MYO16: variants seen among roughly 807,000 people sequenced by gnomAD.
The protein encoded by MYO16 is myosin XVI.
MYO16 carries 94 observed loss-of-function variants against 205.3 expected under a neutral mutation model. That is an observed-to-expected ratio of 0.46 (90% confidence interval 0.39 to 0.54). MYO16 has a LOEUF of 0.54. Ranked by LOEUF, MYO16 falls within the 20% of genes least tolerant of loss-of-function variation. The probability of loss-of-function intolerance (pLI) is 0.00; values close to 1 mark genes in which losing one functional copy is unlikely to be tolerated. For synonymous variants in MYO16, 988 were observed against 954.0 expected (o/e 1.04, Z -0.66); for missense variants, 2,315 against 2,387.5 (o/e 0.97, Z 0.63).
intron 2 of MYO16, among the ~76,000 whole-genome samples, chr13:108,686,159 A>T (rs1326155425): frequency 6.6e-6 from 1 of 152,096 alleles, no homozygotes; most frequent in African/African-American, 2.4e-5. Context: ...TGGCTATGGG[A>T]GGATCCCACA....
chr13:109,020,126 A>G (rs758826449), intron 23 of MYO16, among the ~76,000 whole-genome samples: 1 of 152,196 alleles, frequency 6.6e-6, no homozygotes, highest in Non-Finnish European at 1.5e-5. Flanking sequence ...GGGCCTTCTC[A>G]TAATGTTTCT....
At chr13:108,642,607 A>G (rs953035143) in intron 1 of MYO16, among the ~76,000 whole-genome samples, 6 of 151,958 alleles carry the variant, frequency 3.9e-5, no homozygotes, top group African/African-American at 1.2e-4. Context: ...TAGTAGAGAC[A>G]GGGTTTCACC....
chr13:108,542,953 T>A, the MYO16 span, among the ~76,000 whole-genome samples: 1 of 151,894 alleles, frequency 6.6e-6, no homozygotes, highest in Non-Finnish European at 1.5e-5. Flanking sequence ...ACAGTTATGG[T>A]TTTTTAAATG....
chr13:108,773,959 G>A (rs1004753259), intron 4 of MYO16, among the ~76,000 whole-genome samples: 3 of 152,100 alleles, frequency 2.0e-5, no homozygotes, highest in African/African-American at 4.8e-5. Context: ...GGGCATGGTG[G>A]TGAGTGCCTG....
chr13:108,542,987 C>T, the MYO16 span, among the ~76,000 whole-genome samples: 407 of 151,966 alleles, frequency 2.7e-3, 3 homozygotes, highest in African/African-American at 9.1e-3. Context: ...CAACCTGAAG[C>T]TGAATACAAA....
intron 1 of MYO16, among the ~76,000 whole-genome samples, chr13:108,656,723 T>C (rs1881261549): frequency 6.6e-6 from 1 of 152,220 alleles, no homozygotes; most frequent in Non-Finnish European, 1.5e-5. Flanking sequence ...ATTTTCCTTT[T>C]GGAAAAAAAG....
At position 109,158,667 on chromosome 13, in the gene MYO16, G is replaced by A. The variant is rs527256378; in HGVS notation, c.5165-6234G>A. 5.3e-5 allele frequency among the ~76,000 whole-genome samples: 8 copies of A among 152,250 alleles called. No homozygotes were observed. The East Asian group carries it at 1.5e-3, about 29-fold the overall frequency. ...TTATGGCTAGAGGCTCTATGCCTGA[G>A]ACCCATTTTGGTTTTTGTCCAGAGA... On this transcript the variant is annotated intron_variant, in intron 32 of 34. Transcript: ENST00000457511.
At chr13:108,500,262 G>T in the MYO16 span, among the ~76,000 whole-genome samples, 2 of 120,182 alleles carry the variant, frequency 1.7e-5, no homozygotes. Flanking sequence ...TTGAGACGGA[G>T]TCTGTCACCC....
At chr13:108,528,558 TC>T in the MYO16 span, among the ~76,000 whole-genome samples, 2 of 137,692 alleles carry the variant, frequency 1.5e-5, no homozygotes, top group East Asian at 2.2e-4. Context: ...TCTCCTCTCC[TC>T]TCCTCTCCTC....
At chr13:108,790,511 C>T (rs1171763558) in intron 5 of MYO16, among the ~76,000 whole-genome samples, 2 of 152,046 alleles carry the variant, frequency 1.3e-5, no homozygotes, top group African/African-American at 4.8e-5. Flanking sequence ...ATACGAAAAT[C>T]TATATTTTGT....
At chr13:108,675,655 G>A (rs896842820) in intron 2 of MYO16, among the ~76,000 whole-genome samples, 7 of 152,176 alleles carry the variant, frequency 4.6e-5, no homozygotes, top group South Asian at 2.1e-4. Flanking sequence ...AGGATGACAC[G>A]AATCTGAAAC....
chr13:108,896,008 G>A (rs933707502), intron 14 of MYO16, among the ~76,000 whole-genome samples: 5 of 152,090 alleles, frequency 3.3e-5, no homozygotes, highest in East Asian at 3.9e-4. Flanking sequence ...CCTCCTCAGC[G>A]TTACATAATT....
rs1196294877 is a variant in MYO16, at chr13:109,022,838, T to C, written c.2796+2927T>C. Among the ~76,000 whole-genome samples, 4 of 136,946 alleles carry C rather than the reference T, an allele frequency of 2.9e-5. No individual in the cohort carries two copies. In the East Asian group the frequency reaches 6.3e-4, roughly 21 times the overall value. The allele number at this position is 136,946 out of a possible 152,430, so 89.8% of individuals were successfully genotyped here. A position where few individuals can be genotyped will look rare whatever the true frequency, so the allele number is the denominator to read the frequency against. On this transcript the variant is annotated intron_variant, in intron 23 of 34. Coordinates refer to ENST00000457511, the MANE Select transcript of MYO16 (RefSeq NM_001198950.3). ...TATTATACTCAATATATAAACATAG[T>C]ATATATTTATATATTATACTCAATA... is the stretch of plus-strand genomic sequence containing the variant.
chr13:109,122,533 C>G (rs1440804829), intron 29 of MYO16, among the ~76,000 whole-genome samples: 2 of 151,956 alleles, frequency 1.3e-5, no homozygotes, highest in Non-Finnish European at 2.9e-5. Context: ...ACAAAATTAG[C>G]CGGGCATGGT....
intron 12 of MYO16, among the ~76,000 whole-genome samples, chr13:108,871,466 G>A (rs1879061090): frequency 6.6e-6 from 1 of 151,806 alleles, no homozygotes; most frequent in Non-Finnish European, 1.5e-5. Flanking sequence ...GGCCCAGGAA[G>A]ACATTATCTT....
At chr13:108,762,836 T>C (rs1885654035) in intron 4 of MYO16, among the ~76,000 whole-genome samples, 1 of 152,198 alleles carries the variant, frequency 6.6e-6, no homozygotes, top group Non-Finnish European at 1.5e-5. Flanking sequence ...GCCTACGTCT[T>C]AACCTACGAG....
chr13:109,132,559 C>G (rs1876589712), intron 31 of MYO16, among the ~76,000 whole-genome samples: 1 of 152,170 alleles, frequency 6.6e-6, no homozygotes, highest in South Asian at 2.1e-4. Context: ...TCTACACTCT[C>G]TTCATTAAAA....
At chr13:109,117,428 GTA>G (rs903434330) in intron 28 of MYO16, among the ~76,000 whole-genome samples, 32 of 92,720 alleles carry the variant, frequency 3.5e-4, no homozygotes, top group Middle Eastern at 5.9e-3. Flanking sequence ...ATGTATATGT[GTA>G]TATATATGTA....
intron 4 of MYO16, among the ~76,000 whole-genome samples, chr13:108,771,292 T>A (rs963975256): frequency 6.6e-6 from 1 of 152,160 alleles, no homozygotes; most frequent in Non-Finnish European, 1.5e-5. Context: ...CATCCACTCA[T>A]AGAGCTTATT....
Sources: gnomAD v4.1 joint callset for allele counts (sites outside exome capture counted in the v4.1 genomes callset) on GRCh38, gnomAD v4.1.1 for gene constraint, MANE v1.5 for transcripts, NCBI Gene and HGNC (gene_info 2026-07-23, HGNC 2026-07-21) for gene names.